Variants in TANC2 observed in about 807,000 individuals in gnomAD.
The protein encoded by TANC2 is protein TANC2.
Under a neutral mutation model 210.5 loss-of-function variants are expected in TANC2, and 26 were observed. That is an observed-to-expected ratio of 0.12 (90% CI 0.09 to 0.17). The LOEUF is 0.17. TANC2 is among the 10% of genes least tolerant of loss of function. The pLI, the probability that TANC2 is intolerant of heterozygous loss-of-function variation, is 1.00. For missense variants in TANC2, 2,129 were observed against 2,608.9 expected, an observed-to-expected ratio of 0.82 and a Z score of 4.01; for synonymous variants, 931 against 967.1, an observed-to-expected ratio of 0.96 and a Z score of 0.69.
chr17:63,173,575 C>T (rs1041435364), intron 5 of TANC2, among the ~76,000 whole-genome samples: 7 of 152,294 alleles, frequency 4.6e-5, no homozygotes, highest in South Asian at 2.1e-4. Flanking sequence ...TTCCAGTTAG[C>T]GCATATCTGA....
intron 7 of TANC2, among the ~76,000 whole-genome samples, chr17:63,234,527 A>C (rs2042567822): frequency 6.6e-6 from 1 of 152,168 alleles, no homozygotes; most frequent in African/African-American, 2.4e-5. Context: ...TGTTCACTGC[A>C]TGCTATTTTC....
chr17:63,111,363 TAGA>T (rs1328846871), intron 4 of TANC2, among the ~76,000 whole-genome samples: 12 of 152,194 alleles, frequency 7.9e-5, no homozygotes, highest in African/African-American at 2.9e-4. Context: ...GTTTAGCTCG[TAGA>T]AGGTGATTCA....
At chr17:63,207,773 A>G (rs1263897632) in intron 7 of TANC2, among the ~76,000 whole-genome samples, 1 of 152,160 alleles carries the variant, frequency 6.6e-6, no homozygotes, top group Non-Finnish European at 1.5e-5. Flanking sequence ...GATTATTAGA[A>G]ATGTGTCTCT....
chr17:63,340,901 G>C (rs1448777472), intron 12 of TANC2, among the ~76,000 whole-genome samples: 1 of 152,178 alleles, frequency 6.6e-6, no homozygotes, highest in Non-Finnish European at 1.5e-5. Flanking sequence ...AAAATTAAAT[G>C]AGATCCATCT....
intron 4 of TANC2, among the ~76,000 whole-genome samples, chr17:63,124,152 C>G (rs1264317088): frequency 6.6e-6 from 1 of 151,888 alleles, no homozygotes; most frequent in Non-Finnish European, 1.5e-5. Flanking sequence ...ATGAAGAAAA[C>G]AAGACCTAAT....
chr17:63,422,081 GC>G, exon 28 of TANC2: 2 of 1,247,878 alleles, frequency 1.6e-6, no homozygotes, highest in Non-Finnish European at 2.2e-6. Flanking sequence ...AGAGGTGGCA[GC>G]CCACATGCTG....
chr17:63,177,506 G>C (rs181403915), intron 5 of TANC2, among the ~76,000 whole-genome samples: 1 of 151,948 alleles, frequency 6.6e-6, no homozygotes, highest in African/African-American at 2.4e-5. Flanking sequence ...ATCGTAGTCT[G>C]CTAATTAAGT....
chr17:62,978,796 A>G (rs563286873), intron 1 of TANC2: 2 of 152,110 alleles, frequency 1.3e-5, no homozygotes, highest in Non-Finnish European at 1.5e-5. Flanking sequence ...TTTCTGTGCC[A>G]TTTTCAGGAC....
intron 4 of TANC2, among the ~76,000 whole-genome samples, chr17:63,102,719 A>G (rs1050923446): frequency 1.7e-4 from 26 of 152,052 alleles, no homozygotes; most frequent in African/African-American, 6.0e-4. Context: ...GTATGATCCA[A>G]TTTACCTTGT....
Position 63,319,224 on chromosome 17 carries a change from T to C in TANC2, c.1575+134T>C, listed in dbSNP as rs184642198. On this transcript the variant is annotated intron_variant, in intron 11 of 27. Transcript: ENST00000689528. ...ATGAGAACGTGGAGGAAAGTTTCTC[T>C]TTCTTTGATATTCCTAGAAAAATAC... 86 of 919,210 alleles carry C rather than the reference T, an allele frequency of 9.4e-5. No individual in the cohort carries two copies. The East Asian group carries it at 2.1e-3, about 23-fold the overall frequency. The allele number at this position is 919,210 out of a possible 1,614,324, so 56.9% of individuals were successfully genotyped here. A position where few individuals can be genotyped will look rare whatever the true frequency, so the allele number is the denominator to read the frequency against.
chr17:63,328,617 T>C (rs1396443526), intron 11 of TANC2, among the ~76,000 whole-genome samples: 1 of 151,738 alleles, frequency 6.6e-6, no homozygotes, highest in Non-Finnish European at 1.5e-5. Context: ...GAAAGATAGT[T>C]ACCAGAGACT....
At chr17:63,191,903 A>C (rs1219422913) in intron 5 of TANC2, among the ~76,000 whole-genome samples, 1 of 152,190 alleles carries the variant, frequency 6.6e-6, no homozygotes, top group Admixed American at 6.5e-5. Flanking sequence ...TTTCTACTTT[A>C]TTCCACCAGA....
chr17:63,024,358 T>C (rs2034466322), intron 2 of TANC2, among the ~76,000 whole-genome samples: 1 of 152,186 alleles, frequency 6.6e-6, no homozygotes. Flanking sequence ...TTTTAGACCA[T>C]ATAGGGTAAC....
At chr17:63,163,671 T>C (rs2040106272) in intron 5 of TANC2, among the ~76,000 whole-genome samples, 1 of 152,228 alleles carries the variant, frequency 6.6e-6, no homozygotes, top group Non-Finnish European at 1.5e-5. Flanking sequence ...TTGACGACTA[T>C]AGTAGTAGGC....
intron 3 of TANC2, among the ~76,000 whole-genome samples, chr17:63,085,198 G>A (rs1482270591): frequency 6.6e-6 from 1 of 152,090 alleles, no homozygotes; most frequent in Non-Finnish European, 1.5e-5. Flanking sequence ...TCTTGTTGGG[G>A]AATTGACTCC....
chr17:63,286,162 T>C (rs2044214199), intron 9 of TANC2, among the ~76,000 whole-genome samples: 1 of 152,244 alleles, frequency 6.6e-6, no homozygotes, highest in Non-Finnish European at 1.5e-5. Context: ...GATAAAAATC[T>C]TATGTATTTA....
chr17:63,366,903 A>G (rs2047126479), intron 14 of TANC2, among the ~76,000 whole-genome samples: 1 of 152,264 alleles, frequency 6.6e-6, no homozygotes, highest in East Asian at 1.9e-4. Flanking sequence ...AAGCATGAGT[A>G]TCATTTGCTG....
At chr17:63,209,801 CA>C (rs1223721764) in intron 7 of TANC2, among the ~76,000 whole-genome samples, 2 of 152,170 alleles carry the variant, frequency 1.3e-5, no homozygotes, top group Non-Finnish European at 2.9e-5. Context: ...ACATCATTAT[CA>C]GGTTTTTAAA....
exon 28 of TANC2, chr17:63,423,345 C>T (rs934563577): frequency 6.6e-6 from 1 of 152,172 alleles, no homozygotes; most frequent in African/African-American, 2.4e-5. Context: ...TTCTAGGTCT[C>T]GTGGTCATTT....
Sources: allele counts gnomAD v4.1 joint callset (sites outside exome capture counted in the v4.1 genomes callset), GRCh38; gene constraint gnomAD v4.1.1; transcripts MANE v1.5; gene names NCBI Gene and HGNC (gene_info 2026-07-23, HGNC 2026-07-21).